Variants in PRR5L observed in about 807,000 individuals in gnomAD.
PRR5L encodes the protein proline-rich protein 5-like.
In PRR5L, 21 loss-of-function variants were observed where a neutral mutation model predicts 36.4. That is an observed-to-expected ratio of 0.58 (90% confidence interval 0.41 to 0.83). The LOEUF (loss-of-function observed/expected upper bound fraction) is 0.83, where lower values mean the gene tolerates loss of function less well. Ranked by LOEUF, PRR5L falls within the 40% of genes least tolerant of loss-of-function variation. The pLI, the probability that PRR5L is intolerant of heterozygous loss-of-function variation, is 0.00. For synonymous variants in PRR5L, 188 were observed against 197.0 expected, an observed-to-expected ratio of 0.95 and a Z score of 0.38; for missense variants, 381 against 473.3, an observed-to-expected ratio of 0.80 and a Z score of 1.81.
In PRR5L at chr11:36,370,603, C is replaced by T. The variant is rs149919245; in HGVS notation, c.-125-30394C>T. 2.7e-3 allele frequency among the ~76,000 whole-genome samples: 415 copies of T among 152,222 alleles called. 1 individual carries two copies. Among genetic ancestry groups the T allele is most frequent in the African/African-American group, 9.7e-3 (402 of 41,546 alleles). Reference sequence around the variant, plus strand: ...AATCCTTGAAAGTTATCCAAGAGGCCGGGCGAGGTGGCTCACGCCTGTAAT... The same window carrying T: ...AATCCTTGAAAGTTATCCAAGAGGCTGGGCGAGGTGGCTCACGCCTGTAAT... On this transcript the variant is annotated intron_variant, in intron 1 of 8. Transcript: ENST00000530639.
At chr11:36,358,251 A>G (rs1052839632) in intron 1 of PRR5L, among the ~76,000 whole-genome samples, 1 of 152,218 alleles carries the variant, frequency 6.6e-6, no homozygotes, top group African/African-American at 2.4e-5. Flanking sequence ...GCTATCAGCT[A>G]TCTCTTGTGA....
At chr11:36,451,358 T>A (rs1402827189) in intron 8 of PRR5L, 23 bp downstream of exon 8, 2 of 1,613,316 alleles carry the variant, frequency 1.2e-6, no homozygotes, top group Non-Finnish European at 1.7e-6. Context: ...GCTCTCAAGT[T>A]GTCAAGAGGC....
chr11:36,388,853 C>T (rs1256255316), intron 1 of PRR5L, among the ~76,000 whole-genome samples: 1 of 152,174 alleles, frequency 6.6e-6, no homozygotes, highest in Admixed American at 6.5e-5. Flanking sequence ...CGCCCGCCAC[C>T]AAGCCCGGCT....
At chr11:36,342,988 C>A (rs1055550288) in intron 1 of PRR5L, among the ~76,000 whole-genome samples, 6 of 152,122 alleles carry the variant, frequency 3.9e-5, no homozygotes, top group African/African-American at 1.4e-4. Context: ...AATTGAAAGG[C>A]AAGAACAATT....
intron 1 of PRR5L, among the ~76,000 whole-genome samples, chr11:36,376,968 C>T (rs780460231): frequency 2.6e-5 from 4 of 152,074 alleles, no homozygotes; most frequent in African/African-American, 9.7e-5. Context: ...GCCACGCTCC[C>T]GGTCTGCTCT....
intron 1 of PRR5L, among the ~76,000 whole-genome samples, chr11:36,366,225 A>G (rs1391637731): frequency 5.3e-5 from 8 of 152,186 alleles, no homozygotes. Flanking sequence ...TTCTTCATCT[A>G]TAAAATGGGG....
chr11:36,306,234 C>A (rs184173127), intron 1 of PRR5L, among the ~76,000 whole-genome samples: 2,521 of 152,164 alleles, frequency 0.017, 43 homozygotes, highest in Non-Finnish European at 0.023. Flanking sequence ...TTCTCCTATC[C>A]CTCCCCCAGC....
chr11:36,439,020 T>G (rs331480), intron 6 of PRR5L, among the ~76,000 whole-genome samples: 1,536 of 152,348 alleles, frequency 0.01, 17 homozygotes, highest in African/African-American at 0.035. Flanking sequence ...ATATTTATAC[T>G]GAAAAACTCT....
chr11:36,353,673 G>A (rs1379388684), intron 1 of PRR5L, among the ~76,000 whole-genome samples: 1 of 152,144 alleles, frequency 6.6e-6, no homozygotes, highest in Non-Finnish European at 1.5e-5. Flanking sequence ...CTCATAAGGA[G>A]CACACAACCT....
chr11:36,395,816 G>C (rs1857647243), intron 1 of PRR5L, among the ~76,000 whole-genome samples: 1 of 151,984 alleles, frequency 6.6e-6, no homozygotes, highest in Non-Finnish European at 1.5e-5. Flanking sequence ...TGAACTCCTG[G>C]GCCCAAGCGA....
intron 3 of PRR5L, among the ~76,000 whole-genome samples, chr11:36,409,189 G>C (rs1857974262): frequency 6.6e-6 from 1 of 152,176 alleles, no homozygotes; most frequent in African/African-American, 2.4e-5. Context: ...AAGGGCAGTT[G>C]AGGATCTAAC....
chr11:36,440,511 G>T (rs1858698155), intron 6 of PRR5L, among the ~76,000 whole-genome samples: 1 of 152,070 alleles, frequency 6.6e-6, no homozygotes. Context: ...GCCCAGTCTA[G>T]ACCCAAATGA....
At chr11:36,406,177 CTCA>C (rs1352381726) in intron 3 of PRR5L, among the ~76,000 whole-genome samples, 1 of 151,898 alleles carries the variant, frequency 6.6e-6, no homozygotes, top group African/African-American at 2.4e-5. Flanking sequence ...GTGACTAACA[CTCA>C]TCATGAGGAG....
Position 36,401,299 on chromosome 11 carries a change from C to T in PRR5L, c.164+14C>T. ...AGCCTGGAACAGGTGAAGGAGGCTG[C>T]AGGATGTGGGGTGGAGGGCTGCCAA... On this transcript the variant is annotated intron_variant, in intron 2 of 8. Coordinates refer to ENST00000530639, the MANE Select transcript of PRR5L (RefSeq NM_001160167.2). The T allele has an allele frequency of 6.2e-7, 1 of 1,607,598 alleles. No homozygotes were observed.
chr11:36,455,135 C>T (rs963800997), intron 8 of PRR5L, among the ~76,000 whole-genome samples: 1 of 152,202 alleles, frequency 6.6e-6, no homozygotes, highest in Non-Finnish European at 1.5e-5. Flanking sequence ...GGGCCCTTCT[C>T]CTTCAGGATA....
At chr11:36,452,179 T>C (rs1858959456) in intron 8 of PRR5L, among the ~76,000 whole-genome samples, 1 of 152,200 alleles carries the variant, frequency 6.6e-6, no homozygotes, top group Non-Finnish European at 1.5e-5. Flanking sequence ...TGGCGTATAG[T>C]AGGCACTCAA....
At chr11:36,335,238 T>G (rs1435585453) in intron 1 of PRR5L, among the ~76,000 whole-genome samples, 9 of 152,158 alleles carry the variant, frequency 5.9e-5, no homozygotes, top group African/African-American at 2.2e-4. Flanking sequence ...CTAATTTTTG[T>G]ATTTTTTGTA....
intron 1 of PRR5L, among the ~76,000 whole-genome samples, chr11:36,366,871 ACTC>A (rs1857149299): frequency 1.3e-5 from 2 of 151,726 alleles, no homozygotes; most frequent in South Asian, 2.1e-4. Context: ...AGAGTTTAAA[ACTC>A]CTCTCTCCTT....
intron 8 of PRR5L, among the ~76,000 whole-genome samples, chr11:36,456,244 G>A (rs1157853964): frequency 6.6e-6 from 1 of 152,176 alleles, no homozygotes; most frequent in African/African-American, 2.4e-5. Context: ...TGGCGTCCGT[G>A]GAATCACTCC....
Sources: gnomAD v4.1 joint callset for allele counts (sites outside exome capture counted in the v4.1 genomes callset) on GRCh38, gnomAD v4.1.1 for gene constraint, MANE v1.5 for transcripts, NCBI Gene and HGNC (gene_info 2026-07-23, HGNC 2026-07-21) for gene names.